ECT2L: variants seen among roughly 807,000 people sequenced by gnomAD.
The protein encoded by ECT2L is epithelial cell transforming 2 like.
Under a neutral mutation model 122.8 loss-of-function variants are expected in ECT2L, and 126 were observed. The observed-to-expected ratio is 1.03, with a 90% CI of 0.89 to 1.19. ECT2L has a LOEUF of 1.19. Ranked by LOEUF, ECT2L falls within the 50% of genes most tolerant of loss-of-function variation. ECT2L has a pLI of 0.00. For missense variants in ECT2L, 1,012 were observed against 1,064.1 expected (o/e 0.95, Z 0.68); for synonymous variants, 385 against 381.8 (o/e 1.01, Z -0.10).
At chr6:138,833,004 C>T (rs527332854) in intron 4 of ECT2L, among the ~76,000 whole-genome samples, 88 of 152,132 alleles carry the variant, frequency 5.8e-4, no homozygotes, top group South Asian at 1.7e-3. Flanking sequence ...GAAGCAGGCA[C>T]ATCTTACCTG....
At chr6:138,817,381 G>T (rs1400617881) in intron 4 of ECT2L, among the ~76,000 whole-genome samples, 1 of 152,058 alleles carries the variant, frequency 6.6e-6, no homozygotes, top group East Asian at 1.9e-4. Context: ...CTGTAGTCTT[G>T]CTTACCCAAT....
chr6:138,881,168 A>C lies in ECT2L; in HGVS notation c.1877A>C (p.Asn626Thr). 1 of 1,613,614 alleles carries C rather than the reference A, an allele frequency of 6.2e-7. No individual in the cohort carries two copies. The highest frequency in any genetic ancestry group is 8.5e-7 in the Non-Finnish European group (1 of 1,179,702). Residue 626 changes from asparagine (N) to threonine (T), a missense_variant, in exon 15 of 22, where the codon AAC becomes ACC. Asn to Thr is a moderately conservative substitution (Grantham distance 65). Coordinates refer to ENST00000541398, the MANE Select transcript of ECT2L (RefSeq NM_001077706.3). ...FCDILQILSL[N>T]RQFLDNLRDR... ...GACATTCTACAGATTTTAAGTCTCAACAGGTAAACCCTGAATATGTATTTT... is the reference window on the plus strand; with the variant it reads ...GACATTCTACAGATTTTAAGTCTCACCAGGTAAACCCTGAATATGTATTTT...
intron 4 of ECT2L, among the ~76,000 whole-genome samples, chr6:138,815,329 T>G (rs1270241151): frequency 6.6e-6 from 1 of 152,236 alleles, no homozygotes; most frequent in Non-Finnish European, 1.5e-5. Flanking sequence ...ACCAGCCAGA[T>G]GAATGTTAGA....
At position 138,902,662 on chromosome 6, in the gene ECT2L, C is replaced by T. The variant is rs370158834; in HGVS notation, c.*35C>T. 30 of 1,610,604 alleles carry T rather than the reference C, an allele frequency of 1.9e-5. No homozygotes were observed. In the African/African-American group the frequency reaches 3.9e-4, roughly 21 times the overall value. The stretch of plus-strand genomic sequence containing the variant: ...TGAAAACTTCAGGGGTGCCAATTCT[C>T]CCCAGCAAAGACAGACAACATGTAT... On this transcript the variant is annotated 3_prime_UTR_variant, in exon 22 of 22. Transcript: ENST00000541398.
intron 1 of ECT2L, among the ~76,000 whole-genome samples, chr6:138,807,530 C>T (rs964223365): frequency 5.3e-5 from 8 of 152,226 alleles, no homozygotes; most frequent in South Asian, 2.1e-4. Flanking sequence ...TCCACTACAC[C>T]GTCTCCTCCA....
rs555234000 is a variant in ECT2L, at chr6:138,889,150, T to C, written c.2414+119T>C. 1.5e-4 allele frequency: 63 copies of C among 409,108 alleles called. 4 individuals are homozygous for C. In the South Asian group the frequency reaches 4.5e-3, roughly 29 times the overall value. 25.3% of individuals were successfully genotyped at this position (409,108 alleles called of 1,614,324 possible). A position where few individuals can be genotyped will look rare whatever the true frequency, so the allele number is the denominator to read the frequency against. On this transcript the variant is annotated intron_variant, in intron 20 of 21. Transcript: ENST00000541398. ...TGACACAGTAGGTTTGAAATGAATC[T>C]ATGCATTGGACTGAAAAGTTACAGA...
intron 4 of ECT2L, among the ~76,000 whole-genome samples, chr6:138,828,526 G>A (rs1776537776): frequency 1.3e-5 from 2 of 152,156 alleles, no homozygotes; most frequent in South Asian, 4.1e-4. Flanking sequence ...TCCTTCAGAA[G>A]CTGGCGAGTT....
Position 138,840,915 on chromosome 6 carries a change from T to A in ECT2L, c.343-2064T>A, listed in dbSNP as rs76280344. 6.7e-3 allele frequency among the ~76,000 whole-genome samples: 1,013 copies of A among 152,308 alleles called. 7 individuals carry two copies. The highest frequency in any genetic ancestry group is 0.014 in the Middle Eastern group (4 of 294). ...TTATAGGTTGGAAAGATTCACCACGTCTCATAACTTTCATATTCTTTTATA... is the reference window on the plus strand; with the variant it reads ...TTATAGGTTGGAAAGATTCACCACGACTCATAACTTTCATATTCTTTTATA... On this transcript the variant is annotated intron_variant, in intron 5 of 21. Transcript: ENST00000541398.
intron 10 of ECT2L, among the ~76,000 whole-genome samples, chr6:138,856,403 C>A (rs562538031): frequency 2.0e-5 from 3 of 152,074 alleles, no homozygotes; most frequent in Non-Finnish European, 4.4e-5. Flanking sequence ...TTAGTGGAGA[C>A]GGGGTTTCAC....
intron 5 of ECT2L, among the ~76,000 whole-genome samples, chr6:138,840,520 A>G (rs1194782287): frequency 6.6e-6 from 1 of 152,176 alleles, no homozygotes; most frequent in East Asian, 1.9e-4. Flanking sequence ...GCATCTAAAA[A>G]TATCTATTTC....
At chr6:138,890,194 C>T (rs1311108543) in intron 20 of ECT2L, among the ~76,000 whole-genome samples, 5 of 151,890 alleles carry the variant, frequency 3.3e-5, no homozygotes, top group African/African-American at 1.2e-4. Context: ...AACATTCTTC[C>T]TTTCTTTACA....
intron 5 of ECT2L, 110 bp from the exon 6 acceptor site, chr6:138,842,869 T>C (rs1777090578): frequency 9.7e-7 from 1 of 1,026,550 alleles, no homozygotes; most frequent in African/African-American, 1.6e-5. Context: ...TCAGAGATTT[T>C]TGTACCAGAA....
chr6:138,860,006 G>A (rs1402592462), intron 10 of ECT2L, among the ~76,000 whole-genome samples: 2 of 151,958 alleles, frequency 1.3e-5, no homozygotes, highest in Non-Finnish European at 2.9e-5. Flanking sequence ...AATATTTTTA[G>A]TAGAGACAGG....
rs1051117352 is a variant in ECT2L at position 138,867,213 on chromosome 6, T to G, written c.1475-890T>G. 3.9e-5 allele frequency among the ~76,000 whole-genome samples: 6 copies of G among 152,254 alleles called. 1 individual carries two copies. In the South Asian group the frequency reaches 8.3e-4, roughly 21 times the overall value. Reference sequence around the variant, plus strand: ...GAGCTCCTTTTCACATGCTCTCTCCTTATTGTCCAATTTATACATTTCATT... The same window carrying G: ...GAGCTCCTTTTCACATGCTCTCTCCGTATTGTCCAATTTATACATTTCATT... On this transcript the variant is annotated intron_variant, in intron 12 of 21. Transcript: ENST00000541398.
intron 16 of ECT2L, among the ~76,000 whole-genome samples, chr6:138,885,113 C>A (rs897411711): frequency 2.0e-5 from 3 of 149,184 alleles, no homozygotes; most frequent in African/African-American, 7.5e-5. Flanking sequence ...ACTGCAAGCT[C>A]CGCCTCACAG....
At chr6:138,897,080 C>T (rs1452635654) in intron 20 of ECT2L, among the ~76,000 whole-genome samples, 2 of 152,142 alleles carry the variant, frequency 1.3e-5, no homozygotes, top group Admixed American at 1.3e-4. Context: ...TAAGAATGTA[C>T]ATTATAGTAG....
At chr6:138,867,783 T>A (rs940660306) in intron 12 of ECT2L, among the ~76,000 whole-genome samples, 1 of 151,666 alleles carries the variant, frequency 6.6e-6, no homozygotes, top group African/African-American at 2.4e-5. Context: ...GAGCCCAGAT[T>A]GCGCCACTGC....
intron 10 of ECT2L, among the ~76,000 whole-genome samples, chr6:138,859,090 C>T (rs1163985894): frequency 1.3e-5 from 2 of 152,142 alleles, no homozygotes; most frequent in Non-Finnish European, 2.9e-5. Context: ...CTAATCTTCT[C>T]TGTATTGTTC....
At chr6:138,809,075 C>T (rs909673202) in intron 1 of ECT2L, among the ~76,000 whole-genome samples, 2 of 152,074 alleles carry the variant, frequency 1.3e-5, no homozygotes, top group African/African-American at 2.4e-5. Flanking sequence ...TGGTTTATCA[C>T]GTTGGAAAGA....
Sources: allele counts gnomAD v4.1 joint callset (sites outside exome capture counted in the v4.1 genomes callset), GRCh38; gene constraint gnomAD v4.1.1; transcripts MANE v1.5; gene names NCBI Gene and HGNC (gene_info 2026-07-23, HGNC 2026-07-21).